CERKL: variants seen among roughly 807,000 people sequenced by gnomAD.
CERKL encodes CERK like autophagy regulator, also known as ceramide kinase-like protein.
Under a neutral mutation model 63.4 loss-of-function variants are expected in CERKL, and 61 were observed. That is an observed-to-expected ratio of 0.96 (90% CI 0.78 to 1.19). The LOEUF (loss-of-function observed/expected upper bound fraction) is 1.19. Ranked by LOEUF, CERKL falls within the 50% of genes most tolerant of loss-of-function variation. The pLI, the probability that CERKL is intolerant of heterozygous loss-of-function variation, is 0.00. For synonymous variants in CERKL, 250 were observed against 230.5 expected (o/e 1.08, Z -0.77); for missense variants, 675 against 655.5 (o/e 1.03, Z -0.33).
chr2:181,564,032 C>T (rs966900975), intron 4 of CERKL, among the ~76,000 whole-genome samples: 2 of 152,078 alleles, frequency 1.3e-5, no homozygotes. Flanking sequence ...CACCTCAGAT[C>T]ATCAAGCATT....
chr2:181,543,900 C>G (rs750089264), intron 11 of CERKL, among the ~76,000 whole-genome samples: 12 of 148,576 alleles, frequency 8.1e-5, no homozygotes, highest in Non-Finnish European at 1.8e-4. Context: ...AGGAGAATCG[C>G]TTGAACGTGG....
chr2:181,637,001 C>T (rs904613897), intron 1 of CERKL, among the ~76,000 whole-genome samples: 2 of 152,068 alleles, frequency 1.3e-5, no homozygotes, highest in Non-Finnish European at 2.9e-5. Context: ...TCTAGAGACC[C>T]CATAATTGGT....
At chr2:181,564,048 C>A (rs1035126943) in intron 4 of CERKL, among the ~76,000 whole-genome samples, 1 of 152,078 alleles carries the variant, frequency 6.6e-6, no homozygotes. Flanking sequence ...GCATTAGATT[C>A]TCATCAAGAG....
At chr2:181,575,661 G>T (rs1689102598) in intron 2 of CERKL, among the ~76,000 whole-genome samples, 1 of 152,082 alleles carries the variant, frequency 6.6e-6, no homozygotes, top group African/African-American at 2.4e-5. Context: ...AAACAGCAGG[G>T]GTGAAAATTT....
At chr2:181,622,302 A>C (rs1201210969) in intron 1 of CERKL, among the ~76,000 whole-genome samples, 1 of 152,194 alleles carries the variant, frequency 6.6e-6, no homozygotes, top group Non-Finnish European at 1.5e-5. Context: ...GTCACACCGC[A>C]TGGGGCTTGC....
intron 1 of CERKL, among the ~76,000 whole-genome samples, chr2:181,616,848 T>C (rs1422008681): frequency 6.6e-6 from 1 of 152,226 alleles, no homozygotes; most frequent in Non-Finnish European, 1.5e-5. Context: ...TATAAACAAA[T>C]ATTCAGGAGA....
chr2:181,605,410 T>C (rs1434957138), intron 1 of CERKL, among the ~76,000 whole-genome samples: 2 of 152,176 alleles, frequency 1.3e-5, no homozygotes, highest in Non-Finnish European at 2.9e-5. Flanking sequence ...TAAGAACTAC[T>C]AGAAGAATTA....
chr2:181,587,062 A>G (rs1684799029), intron 2 of CERKL, among the ~76,000 whole-genome samples: 1 of 152,186 alleles, frequency 6.6e-6, no homozygotes, highest in African/African-American at 2.4e-5. Context: ...TGATGGTAAA[A>G]GCCTTTCCTA....
In CERKL at chr2:181,548,809, A is replaced by T. The variant is rs1340705663; in HGVS notation, c.944T>A (p.Leu315His). The T allele has an allele frequency of 1.2e-6, 2 of 1,614,088 alleles. No individual in the cohort carries two copies. Among genetic ancestry groups the T allele is most frequent in the Non-Finnish European group, 1.7e-6 (2 of 1,179,966 alleles). Residue 315 changes from leucine (L) to histidine (H), a missense_variant, in exon 7 of 13, where the codon CTT (leucine) becomes CAT (histidine). Physicochemically the swap from Leu to His is moderately conservative, Grantham distance 99. Coordinates refer to ENST00000410087, the MANE Select transcript of CERKL (RefSeq NM_201548.5). ...DVCTFSTAGK[L>H]LRFGFSAMFG... ...CATGGCTGAGAACCCAAAGCGAAGA[A>T]GCTTGCCAGCGGTGCTGAAGGTGCA...
At chr2:181,578,731 T>G (rs1030689918) in intron 2 of CERKL, among the ~76,000 whole-genome samples, 2 of 152,050 alleles carry the variant, frequency 1.3e-5, no homozygotes, top group Non-Finnish European at 2.9e-5. Flanking sequence ...TGACTCCATA[T>G]CACTACATAG....
intron 1 of CERKL, among the ~76,000 whole-genome samples, chr2:181,642,141 T>A (rs1443849117): frequency 3.9e-5 from 6 of 152,232 alleles, no homozygotes; most frequent in Admixed American, 3.3e-4. Context: ...CTAAAGAGGC[T>A]TTTTTCTTAA....
At chr2:181,619,916 T>G (rs988065316) in intron 1 of CERKL, among the ~76,000 whole-genome samples, 3 of 152,162 alleles carry the variant, frequency 2.0e-5, no homozygotes, top group South Asian at 4.1e-4. Flanking sequence ...ATGGTAGTAG[T>G]GGGAGAGGTT....
At chr2:181,644,079 C>T (rs1687564283) in intron 1 of CERKL, among the ~76,000 whole-genome samples, 1 of 152,244 alleles carries the variant, frequency 6.6e-6, no homozygotes, top group Admixed American at 6.5e-5. Flanking sequence ...GATCCAGTAT[C>T]AGCACAAGCT....
intron 2 of CERKL, among the ~76,000 whole-genome samples, chr2:181,587,278 A>C (rs900781098): frequency 6.6e-6 from 1 of 152,238 alleles, no homozygotes; most frequent in African/African-American, 2.4e-5. Context: ...GCAGCCCAGC[A>C]ATGTAAACAT....
At chr2:181,638,060 T>C (rs1687259465) in intron 1 of CERKL, among the ~76,000 whole-genome samples, 6 of 152,176 alleles carry the variant, frequency 3.9e-5, no homozygotes, top group Admixed American at 1.3e-4. Flanking sequence ...ATCAGGACTT[T>C]AAGGGTAGGA....
chr2:181,627,241 T>G (rs1414691001), intron 1 of CERKL, among the ~76,000 whole-genome samples: 3 of 152,186 alleles, frequency 2.0e-5, no homozygotes, highest in Admixed American at 2.0e-4. Context: ...AGTTCTTATT[T>G]TCAATTTACT....
At chr2:181,559,453 A>G (rs540634161) in intron 4 of CERKL, among the ~76,000 whole-genome samples, 1 of 152,290 alleles carries the variant, frequency 6.6e-6, no homozygotes, top group South Asian at 2.1e-4. Flanking sequence ...AACCCAATGG[A>G]AAGTGGATTT....
intron 2 of CERKL, among the ~76,000 whole-genome samples, chr2:181,580,323 C>A (rs1016288761): frequency 6.7e-5 from 10 of 150,198 alleles, no homozygotes; most frequent in Admixed American, 1.3e-4. Flanking sequence ...CCTAACTGAT[C>A]TCCTAACTGG....
chr2:181,623,439 G>C (rs1271764053), intron 1 of CERKL, among the ~76,000 whole-genome samples: 1 of 152,158 alleles, frequency 6.6e-6, no homozygotes, highest in Admixed American at 6.6e-5. Context: ...AAGTGTTTGT[G>C]TTAACTATCC....
Sources: allele counts gnomAD v4.1 joint callset (sites outside exome capture counted in the v4.1 genomes callset), GRCh38; gene constraint gnomAD v4.1.1; transcripts MANE v1.5; gene names NCBI Gene and HGNC (gene_info 2026-07-23, HGNC 2026-07-21).